Variants in RNF145 observed in about 807,000 individuals in gnomAD.
RNF145 encodes the protein ring finger protein 145.
RNF145 carries 12 observed loss-of-function variants against 57.3 expected under a neutral mutation model. The observed-to-expected ratio is 0.21, with a 90% CI of 0.13 to 0.34. RNF145 has a LOEUF of 0.34. Among genes scored for constraint, RNF145 ranks in the 10% least tolerant of loss-of-function variants. The pLI, the probability that RNF145 is intolerant of heterozygous loss-of-function variation, is 1.00. For synonymous variants in RNF145, 262 were observed against 288.3 expected (o/e 0.91, Z 0.92); for missense variants, 429 against 799.0 (o/e 0.54, Z 5.58).
chr5:159,168,144 C>A (rs545105788), intron 8 of RNF145, among the ~76,000 whole-genome samples: 10 of 152,148 alleles, frequency 6.6e-5, no homozygotes, highest in African/African-American at 2.4e-4. Flanking sequence ...TGGCTTTTAT[C>A]CCTCACAAAA....
In RNF145 at chr5:159,158,648, C is replaced by T. The variant is rs1197837090; in HGVS notation, c.*22G>A. ...TAACTTCTCCTCCAGAGTATCAAAG[C>T]ATCATTCCTGCTGCTTCTCCTCTAG... On this transcript the variant is annotated 3_prime_UTR_variant, in exon 11 of 11. Transcript: ENST00000424310. The T allele has an allele frequency of 1.2e-6, 2 of 1,604,774 alleles. No homozygotes were observed. The highest frequency in any genetic ancestry group is 8.5e-7 in the Non-Finnish European group (1 of 1,173,998).
chr5:159,189,185 T>C (rs1335062306), intron 3 of RNF145, among the ~76,000 whole-genome samples: 1 of 152,188 alleles, frequency 6.6e-6, no homozygotes, highest in East Asian at 1.9e-4. Flanking sequence ...ATAAGGGACT[T>C]GTATATATTT....
intron 1 of RNF145, among the ~76,000 whole-genome samples, chr5:159,208,954 G>A (rs945606753): frequency 1.3e-5 from 2 of 151,734 alleles, no homozygotes; most frequent in African/African-American, 2.4e-5. Flanking sequence ...GGAACAGAGG[G>A]GGCTTTGCGC....
chr5:159,209,972 G>A, upstream of RNF145: 1 of 1,445,806 alleles, frequency 6.9e-7, no homozygotes, highest in East Asian at 2.5e-5. Context: ...TAAACTCCTT[G>A]GCGTCTGGGA....
chr5:159,168,187 C>T (rs1001438008), intron 8 of RNF145, among the ~76,000 whole-genome samples: 2 of 152,134 alleles, frequency 1.3e-5, no homozygotes, highest in Non-Finnish European at 1.5e-5. Flanking sequence ...CTGATTTAAT[C>T]ATTATACAAT....
chr5:159,209,153 TGGGGG>T (rs1786015069), intron 1 of RNF145, 73 bp downstream of exon 1: 1 of 334,046 alleles, frequency 3.0e-6, no homozygotes, highest in South Asian at 1.4e-4. Context: ...TGCGACGCGA[TGGGGG>T]AGGGGAGGGA....
chr5:159,186,767 G>A (rs901388333), intron 3 of RNF145, among the ~76,000 whole-genome samples: 3 of 151,992 alleles, frequency 2.0e-5, no homozygotes, highest in African/African-American at 7.3e-5. Flanking sequence ...ATTTGATAAT[G>A]TTCAAAAGCA....
At chr5:159,191,608 T>C (rs1785291964) in intron 3 of RNF145, among the ~76,000 whole-genome samples, 1 of 152,108 alleles carries the variant, frequency 6.6e-6, no homozygotes, top group Admixed American at 6.5e-5. Context: ...CTGGCCAACA[T>C]GGTAAAACCC....
chr5:159,174,226 C>T, intron 5 of RNF145, 68 bp from the exon 6 acceptor site: 1 of 1,054,624 alleles, frequency 9.5e-7, no homozygotes, highest in Non-Finnish European at 1.4e-6. Context: ...ACACTTGAGT[C>T]AAATCAGAAG....
chr5:159,158,804 T>A lies in RNF145; in HGVS notation c.1858A>T (p.Thr620Ser). Reference protein sequence around the residue: ...EPPGQEHTPGTRIQEGSRDNN... With the variant: ...EPPGQEHTPGSRIQEGSRDNN... ...TCCCTGGAACCTTCCTGTATCCTGG[T>A]CCCTGGAGTATGCTCCTGGCCTGGG... The change falls in exon 11 of 11, where the codon ACC becomes TCC. Residue 620 changes from threonine (T) to serine (S), a missense_variant. Physicochemically the swap from Thr to Ser is moderately conservative, Grantham distance 58. Transcript: ENST00000424310. 6.2e-7 allele frequency: 1 copy of A among 1,613,974 alleles called. No individual in the cohort carries two copies. Among genetic ancestry groups the A allele is most frequent in the Non-Finnish European group, 8.5e-7 (1 of 1,179,858 alleles).
intron 1 of RNF145, among the ~76,000 whole-genome samples, chr5:159,205,130 C>A (rs374503690): frequency 6.6e-6 from 1 of 152,016 alleles, no homozygotes; most frequent in African/African-American, 2.4e-5. Context: ...TCAATAAAAG[C>A]TTTTCAATAA....
chr5:159,208,886 C>T (rs1451600451), intron 1 of RNF145, among the ~76,000 whole-genome samples: 1 of 148,970 alleles, frequency 6.7e-6, no homozygotes, highest in Non-Finnish European at 1.5e-5. Context: ...GGGAGCGCTC[C>T]AGGCCCTGGG....
intron 1 of RNF145, chr5:159,208,184 C>A (rs1785967917): frequency 7.4e-7 from 1 of 1,359,576 alleles, no homozygotes; most frequent in African/African-American, 1.5e-5. Context: ...CAACCCAGCT[C>A]GCGGCAAGCA....
In RNF145 at chr5:159,161,514, G is replaced by A; in HGVS notation, c.1378C>T (p.Leu460=). The part of the protein sequence containing the change: ...VIYYVNGTYR[L]LEFLVALCVV... The stretch of plus-strand genomic sequence containing the variant: ...CAGAGGGCCACAAGAAACTCCAGCA[G>A]GCGGTAAGTGCCATTCACATAGTAG... Residue 460 remains leucine, a synonymous_variant, in exon 10 of 11, where the codon CTG becomes TTG. Coordinates refer to ENST00000424310, the MANE Select transcript of RNF145 (RefSeq NM_001199383.2). The A allele has an allele frequency of 6.2e-7, 1 of 1,614,006 alleles. No individual in the cohort carries two copies. Among genetic ancestry groups the A allele is most frequent in the Non-Finnish European group, 8.5e-7 (1 of 1,179,972 alleles).
chr5:159,197,770 T>C (rs1202527570), intron 2 of RNF145, among the ~76,000 whole-genome samples: 1 of 152,168 alleles, frequency 6.6e-6, no homozygotes, highest in African/African-American at 2.4e-5. Context: ...TAATTTGTAA[T>C]TAAAAAGCAA....
intron 5 of RNF145, 141 bp from the exon 6 acceptor site, chr5:159,174,299 G>A (rs1167112984): frequency 6.5e-6 from 4 of 615,620 alleles, no homozygotes; most frequent in East Asian, 2.8e-5. Flanking sequence ...TTTAAAGTTA[G>A]CCTATATAGT....
chr5:159,207,940 T>C, intron 1 of RNF145: 3 of 1,607,012 alleles, frequency 1.9e-6, no homozygotes, highest in Non-Finnish European at 2.5e-6. Context: ...GACAGCTCAT[T>C]CTTTTGGGCA....
chr5:159,190,824 G>C (rs1397765339), intron 3 of RNF145, among the ~76,000 whole-genome samples: 1 of 151,946 alleles, frequency 6.6e-6, no homozygotes, highest in Non-Finnish European at 1.5e-5. Context: ...ACTGTGATAT[G>C]TTATGAATAA....
intron 10 of RNF145, chr5:159,161,029 G>A (rs1784199303): frequency 2.4e-6 from 1 of 418,092 alleles, no homozygotes; most frequent in Non-Finnish European, 4.2e-6. Flanking sequence ...ATTTATGGGT[G>A]AGCAATAATG....
Sources: allele counts gnomAD v4.1 joint callset (sites outside exome capture counted in the v4.1 genomes callset), GRCh38; gene constraint gnomAD v4.1.1; transcripts MANE v1.5; gene names NCBI Gene and HGNC (gene_info 2026-07-23, HGNC 2026-07-21).